The following CHRM3 variants were observed in gnomAD, a reference collection of about 807,000 sequenced individuals.
CHRM3 encodes the protein cholinergic receptor muscarinic 3.
In CHRM3, 11 loss-of-function variants were observed where a neutral mutation model predicts 41.8. The observed-to-expected ratio is 0.26, with a 90% CI of 0.17 to 0.44. The LOEUF (loss-of-function observed/expected upper bound fraction) is 0.44, where lower values mean the gene tolerates loss of function less well. Ranked by LOEUF, CHRM3 falls within the 20% of genes least tolerant of loss-of-function variation. The pLI, the probability that CHRM3 is intolerant of heterozygous loss-of-function variation, is 1.00. For missense variants in CHRM3, 571 were observed against 745.4 expected (o/e 0.77, Z 2.72); for synonymous variants, 297 against 301.4 (o/e 0.99, Z 0.15).
intron 1 of CHRM3, among the ~76,000 whole-genome samples, chr1:239,452,307 C>CA (rs1362372745): frequency 1.5e-4 from 23 of 152,152 alleles, no homozygotes; most frequent in African/African-American, 5.6e-4. Context: ...AAGCAACTAA[C>CA]AGTTACTCTT....
At chr1:239,888,891 G>T (rs909005400) in intron 6 of CHRM3, among the ~76,000 whole-genome samples, 4 of 152,096 alleles carry the variant, frequency 2.6e-5, no homozygotes, top group African/African-American at 9.7e-5. Context: ...CATGGTTTAT[G>T]CAGACTGAGT....
intron 1 of CHRM3, among the ~76,000 whole-genome samples, chr1:239,442,874 G>GAT (rs760181407): frequency 2.6e-5 from 4 of 152,194 alleles, no homozygotes; most frequent in Non-Finnish European, 5.9e-5. Flanking sequence ...TCTGGCAGTG[G>GAT]ATACATTAGT....
chr1:239,517,127 C>T (rs1669326350), intron 2 of CHRM3, among the ~76,000 whole-genome samples: 1 of 152,106 alleles, frequency 6.6e-6, no homozygotes, highest in African/African-American at 2.4e-5. Flanking sequence ...ATCCTCCTGC[C>T]CGGTCCATAG....
chr1:239,615,062 G>T (rs955479723), intron 3 of CHRM3, among the ~76,000 whole-genome samples: 1 of 152,092 alleles, frequency 6.6e-6, no homozygotes, highest in Non-Finnish European at 1.5e-5. Context: ...TTGCAGGTGG[G>T]GCAGATACCC....
intron 1 of CHRM3, among the ~76,000 whole-genome samples, chr1:239,477,114 A>G (rs1008917166): frequency 4.6e-5 from 7 of 152,230 alleles, no homozygotes; most frequent in African/African-American, 1.7e-4. Flanking sequence ...TACTTAAAAT[A>G]TGATTAAAGC....
At chr1:239,778,406 C>T (rs951102762) in intron 5 of CHRM3, among the ~76,000 whole-genome samples, 1 of 152,170 alleles carries the variant, frequency 6.6e-6, no homozygotes, top group Non-Finnish European at 1.5e-5. Context: ...CAAGTCATCA[C>T]ATCTACCACC....
chr1:239,554,934 T>C (rs1345701931), intron 3 of CHRM3, among the ~76,000 whole-genome samples: 1 of 152,068 alleles, frequency 6.6e-6, no homozygotes, highest in Non-Finnish European at 1.5e-5. Context: ...TTCACCATAT[T>C]GGCCAGGCTG....
At chr1:239,881,088 C>T (rs1677553097) in intron 6 of CHRM3, among the ~76,000 whole-genome samples, 1 of 151,808 alleles carries the variant, frequency 6.6e-6, no homozygotes, top group African/African-American at 2.4e-5. Flanking sequence ...TCGAGACCAT[C>T]CTGGCTAACA....
At chr1:239,448,896 T>G (rs1664358866) in intron 1 of CHRM3, among the ~76,000 whole-genome samples, 1 of 152,158 alleles carries the variant, frequency 6.6e-6, no homozygotes, top group Non-Finnish European at 1.5e-5. Context: ...AACATCAACA[T>G]TAGGATTTGA....
chr1:239,485,289 T>A lies in CHRM3; in HGVS notation c.-520-7420T>A, dbSNP rs556060412. Among the ~76,000 whole-genome samples, 10 of 152,200 alleles carry A rather than the reference T, an allele frequency of 6.6e-5. No individual in the cohort carries two copies. In the South Asian group the frequency reaches 2.1e-3, roughly 32 times the overall value. On this transcript the variant is annotated intron_variant, in intron 1 of 6. Transcript: ENST00000676153. Reference sequence around the variant, plus strand: ...ATCACACATGAACAGGGTATAATACTGGCAAAATCTTATTATTATTATTAT... The same window carrying A: ...ATCACACATGAACAGGGTATAATACAGGCAAAATCTTATTATTATTATTAT...
At chr1:239,618,712 C>T (rs528147156) in intron 3 of CHRM3, among the ~76,000 whole-genome samples, 3 of 149,764 alleles carry the variant, frequency 2.0e-5, no homozygotes, top group Non-Finnish European at 4.4e-5. Flanking sequence ...GGCGTGGTGG[C>T]AGCCACCTGT....
intron 3 of CHRM3, among the ~76,000 whole-genome samples, chr1:239,565,607 G>A (rs1003458074): frequency 1.4e-4 from 21 of 152,220 alleles, no homozygotes; most frequent in African/African-American, 4.8e-4. Flanking sequence ...AAGATTTATT[G>A]ACATATTTTA....
At chr1:239,576,588 A>ACG (rs1553331562) in intron 3 of CHRM3, among the ~76,000 whole-genome samples, 1 of 106,504 alleles carries the variant, frequency 9.4e-6, no homozygotes, top group Non-Finnish European at 2.1e-5. Context: ...ACACACACAC[A>ACG]CACACGCACA....
intron 3 of CHRM3, among the ~76,000 whole-genome samples, chr1:239,597,195 AT>A (rs578247187): frequency 1.1e-3 from 170 of 152,248 alleles, no homozygotes; most frequent in Non-Finnish European, 1.8e-3. Flanking sequence ...AGCGGCATTC[AT>A]TTTTAGACAT....
chr1:239,712,318 T>C (rs949596948), intron 5 of CHRM3, among the ~76,000 whole-genome samples: 1 of 152,198 alleles, frequency 6.6e-6, no homozygotes, highest in Non-Finnish European at 1.5e-5. Flanking sequence ...TATTTTGATT[T>C]TGCTTTTGTC....
chr1:239,812,501 G>A (rs1334140485), intron 5 of CHRM3, among the ~76,000 whole-genome samples: 1 of 152,196 alleles, frequency 6.6e-6, no homozygotes, highest in Non-Finnish European at 1.5e-5. Context: ...ATAAACAAAG[G>A]AGATTAGAGG....
intron 5 of CHRM3, among the ~76,000 whole-genome samples, chr1:239,794,516 A>G (rs1449615195): frequency 2.0e-5 from 3 of 152,050 alleles, no homozygotes; most frequent in Non-Finnish European, 4.4e-5. Context: ...TTAGAGCAAG[A>G]TGAATGGTAA....
rs188248010 is a variant in CHRM3, at chr1:239,842,965, C to T, written c.-20+15587C>T. 6.6e-5 allele frequency among the ~76,000 whole-genome samples: 10 copies of T among 152,236 alleles called. No individual in the cohort carries two copies. The East Asian group carries it at 1.4e-3, about 21-fold the overall frequency. ...GTCTTGACCATTCTTCACATCATAGCCTAGAGCTTTGCTGTGATCATCTTG... is the reference window on the plus strand; with the variant it reads ...GTCTTGACCATTCTTCACATCATAGTCTAGAGCTTTGCTGTGATCATCTTG... On this transcript the variant is annotated intron_variant, in intron 6 of 6. Transcript: ENST00000676153.
intron 1 of CHRM3, among the ~76,000 whole-genome samples, chr1:239,458,156 A>T (rs1334510102): frequency 2.6e-5 from 4 of 152,228 alleles, no homozygotes; most frequent in African/African-American, 4.8e-5. Flanking sequence ...ATAAGAAAAG[A>T]GTAGAATGTA....
Sources: allele counts gnomAD v4.1 joint callset (sites outside exome capture counted in the v4.1 genomes callset), GRCh38; gene constraint gnomAD v4.1.1; transcripts MANE v1.5; gene names NCBI Gene and HGNC (gene_info 2026-07-23, HGNC 2026-07-21).